Variants in SPOCK1 observed in about 807,000 individuals in gnomAD.
SPOCK1 encodes the protein testican-1.
Under a neutral mutation model 55.3 loss-of-function variants are expected in SPOCK1, and 23 were observed. The observed-to-expected ratio is 0.42, with a 90% CI of 0.30 to 0.59. SPOCK1 has a LOEUF of 0.59. SPOCK1 is among the 20% of genes least tolerant of loss of function. SPOCK1 has a pLI of 0.22. For synonymous variants in SPOCK1, 226 were observed against 221.0 expected (o/e 1.02, Z -0.20); for missense variants, 499 against 552.5 (o/e 0.90, Z 0.97).
At chr5:137,204,689 AC>A (rs1005268679) in intron 3 of SPOCK1, among the ~76,000 whole-genome samples, 2 of 151,522 alleles carry the variant, frequency 1.3e-5, no homozygotes, top group Non-Finnish European at 1.5e-5. Flanking sequence ...CCCACTTCCA[AC>A]CCCACCAAAT....
At chr5:137,256,200 T>C (rs1282615553) in intron 3 of SPOCK1, among the ~76,000 whole-genome samples, 1 of 152,196 alleles carries the variant, frequency 6.6e-6, no homozygotes, top group Non-Finnish European at 1.5e-5. Flanking sequence ...TATGAGGGCA[T>C]GGGCTGTGTT....
At chr5:137,076,553 T>C (rs1752764995) in intron 5 of SPOCK1, among the ~76,000 whole-genome samples, 1 of 150,978 alleles carries the variant, frequency 6.6e-6, no homozygotes. Context: ...TAAAGCCTAT[T>C]TAATAATAAA....
At chr5:137,286,387 C>T (rs1757266050) in intron 2 of SPOCK1, among the ~76,000 whole-genome samples, 1 of 152,128 alleles carries the variant, frequency 6.6e-6, no homozygotes, top group Admixed American at 6.5e-5. Flanking sequence ...CGAGAGTCCA[C>T]AGGGCTGCCA....
chr5:137,072,548 A>G (rs776222702), intron 5 of SPOCK1, among the ~76,000 whole-genome samples: 1 of 152,072 alleles, frequency 6.6e-6, no homozygotes, highest in Non-Finnish European at 1.5e-5. Context: ...CTTTCCTTCC[A>G]TTTTGCATAA....
intron 4 of SPOCK1, among the ~76,000 whole-genome samples, chr5:137,137,320 T>C (rs1203764360): frequency 6.6e-6 from 1 of 152,270 alleles, no homozygotes; most frequent in East Asian, 1.9e-4. Flanking sequence ...CCCTGATTGA[T>C]GAATAAATAG....
chr5:137,411,875 T>C (rs1419922604), intron 2 of SPOCK1, among the ~76,000 whole-genome samples: 1 of 151,808 alleles, frequency 6.6e-6, no homozygotes, highest in East Asian at 1.9e-4. Context: ...TAAAAATCTA[T>C]TTAGACCTTG....
chr5:137,114,962 G>GTCAA (rs1673305310), intron 4 of SPOCK1, among the ~76,000 whole-genome samples: 1 of 152,236 alleles, frequency 6.6e-6, no homozygotes, highest in Non-Finnish European at 1.5e-5. Context: ...CTTAGCCAAA[G>GTCAA]TCAAGGGAGG....
chr5:137,098,829 T>C (rs1753204443), intron 5 of SPOCK1, among the ~76,000 whole-genome samples: 1 of 152,162 alleles, frequency 6.6e-6, no homozygotes, highest in African/African-American at 2.4e-5. Flanking sequence ...AAGCAGATTT[T>C]CTCTGAAATG....
intron 6 of SPOCK1, among the ~76,000 whole-genome samples, chr5:137,018,521 G>A (rs1396762762): frequency 6.6e-6 from 1 of 152,120 alleles, no homozygotes; most frequent in Non-Finnish European, 1.5e-5. Context: ...GGAGGTACAT[G>A]ATAACCATTG....
At chr5:137,288,668 C>A (rs1757310688) in intron 2 of SPOCK1, among the ~76,000 whole-genome samples, 2 of 152,210 alleles carry the variant, frequency 1.3e-5, no homozygotes. Context: ...GATGGAAAAT[C>A]TGGACTCACA....
At chr5:137,419,033 C>T (rs1052683635) in intron 2 of SPOCK1, among the ~76,000 whole-genome samples, 1 of 152,182 alleles carries the variant, frequency 6.6e-6, no homozygotes, top group Non-Finnish European at 1.5e-5. Context: ...AGCCAGTTTT[C>T]CCAGCACCAT....
chr5:137,071,619 C>T (rs1453868138), intron 5 of SPOCK1, among the ~76,000 whole-genome samples: 1 of 152,126 alleles, frequency 6.6e-6, no homozygotes, highest in African/African-American at 2.4e-5. Context: ...TTTATAGGCT[C>T]CTATGGAGGT....
rs535491733 is a variant in SPOCK1, at chr5:137,184,465, C to T, written c.233-43771G>A. Among the ~76,000 whole-genome samples the T allele has an allele frequency of 4.6e-5, 7 of 152,312 alleles. No individual in the cohort carries two copies. In the South Asian group the frequency reaches 6.2e-4, roughly 14 times the overall value. ...AGCTCCTGGAATCTGCTGCCCAGCA[C>T]GGGCAAAGCTTTTCCATTTGGGAGA... On this transcript the variant is annotated intron_variant, in intron 3 of 10. Transcript: ENST00000394945.
intron 2 of SPOCK1, among the ~76,000 whole-genome samples, chr5:137,279,004 G>T (rs1757123490): frequency 6.6e-6 from 1 of 152,076 alleles, no homozygotes; most frequent in African/African-American, 2.4e-5. Flanking sequence ...TTTAGGGCCT[G>T]GGCACCCACA....
At chr5:137,250,611 G>A (rs1401558407) in intron 3 of SPOCK1, among the ~76,000 whole-genome samples, 2 of 152,162 alleles carry the variant, frequency 1.3e-5, no homozygotes, top group Non-Finnish European at 1.5e-5. Flanking sequence ...CGAGCTGCTT[G>A]CCCCTGTGTG....
intron 2 of SPOCK1, among the ~76,000 whole-genome samples, chr5:137,463,516 G>A (rs534725378): frequency 1.5e-5 from 2 of 133,374 alleles, no homozygotes; most frequent in East Asian, 5.3e-4. Context: ...CCAGAGGCTG[G>A]CAAGGGTAGT....
chr5:137,244,894 A>G (rs934793593), intron 3 of SPOCK1, among the ~76,000 whole-genome samples: 2 of 152,222 alleles, frequency 1.3e-5, no homozygotes, highest in Non-Finnish European at 2.9e-5. Context: ...TGGGGAGGGC[A>G]GACTCTTTCA....
intron 2 of SPOCK1, among the ~76,000 whole-genome samples, chr5:137,269,315 A>T (rs1354069404): frequency 3.3e-5 from 5 of 152,212 alleles, no homozygotes; most frequent in Non-Finnish European, 7.3e-5. Flanking sequence ...TCTGCATCTG[A>T]TTGCTTTTGC....
At chr5:136,993,369 TAAA>T (rs1025898166) in intron 6 of SPOCK1, among the ~76,000 whole-genome samples, 2 of 152,022 alleles carry the variant, frequency 1.3e-5, no homozygotes, top group Non-Finnish European at 2.9e-5. Context: ...CCCAAAGGAA[TAAA>T]AATGGTGCAG....
Sources: allele counts gnomAD v4.1 joint callset (sites outside exome capture counted in the v4.1 genomes callset), GRCh38; gene constraint gnomAD v4.1.1; transcripts MANE v1.5; gene names NCBI Gene and HGNC (gene_info 2026-07-23, HGNC 2026-07-21).